Variants in MACROD2 observed in about 807,000 individuals in gnomAD.
The protein encoded by MACROD2 is mono-ADP ribosylhydrolase 2, also known as ADP-ribose glycohydrolase MACROD2.
A neutral mutation model predicts 70.4 loss-of-function variants in MACROD2; 36 were observed. That is an observed-to-expected ratio of 0.51 (90% CI 0.39 to 0.68). The LOEUF is 0.68. Ranked by LOEUF, MACROD2 falls within the 30% of genes least tolerant of loss-of-function variation. MACROD2 has a pLI of 0.00. For missense variants in MACROD2, 496 were observed against 538.4 expected, an observed-to-expected ratio of 0.92 and a Z score of 0.78; for synonymous variants, 172 against 178.8, an observed-to-expected ratio of 0.96 and a Z score of 0.30.
chr20:15,116,633 G>A (rs941569888), intron 5 of MACROD2, among the ~76,000 whole-genome samples: 12 of 152,010 alleles, frequency 7.9e-5, no homozygotes, highest in African/African-American at 2.7e-4. Context: ...CAATAAGAAC[G>A]GAAATTCTGT....
At chr20:15,327,641 A>G (rs924664569) in intron 6 of MACROD2, among the ~76,000 whole-genome samples, 1 of 152,034 alleles carries the variant, frequency 6.6e-6, no homozygotes, top group South Asian at 2.1e-4. Flanking sequence ...ATTACCTCCC[A>G]CAACACATGG....
intron 10 of MACROD2, among the ~76,000 whole-genome samples, chr20:15,931,394 C>A (rs2065574255): frequency 6.6e-6 from 1 of 152,080 alleles, no homozygotes; most frequent in African/African-American, 2.4e-5. Flanking sequence ...GTAATCCCAG[C>A]AGTTTGGGAG....
chr20:14,610,286 CCTT>C (rs1983078176), intron 4 of MACROD2, among the ~76,000 whole-genome samples: 2 of 151,984 alleles, frequency 1.3e-5, no homozygotes, highest in African/African-American at 2.4e-5. Context: ...CTAACATTGA[CCTT>C]CTGTAATGTG....
intron 5 of MACROD2, among the ~76,000 whole-genome samples, chr20:14,816,577 C>T (rs556706813): frequency 1.3e-5 from 2 of 152,128 alleles, no homozygotes; most frequent in Admixed American, 6.6e-5. Flanking sequence ...AGCAGAACCA[C>T]TTTCATATTT....
chr20:15,579,419 G>A (rs928473906), intron 8 of MACROD2, among the ~76,000 whole-genome samples: 5 of 152,134 alleles, frequency 3.3e-5, no homozygotes, highest in African/African-American at 7.2e-5. Flanking sequence ...AAATAGACCC[G>A]AGAAATAGGT....
intron 2 of MACROD2, among the ~76,000 whole-genome samples, chr20:14,016,377 T>C (rs1341477617): frequency 6.6e-6 from 1 of 152,214 alleles, no homozygotes; most frequent in African/African-American, 2.4e-5. Context: ...TTTCACTCTC[T>C]TAATAGTGTC....
intron 3 of MACROD2, among the ~76,000 whole-genome samples, chr20:14,295,178 C>A (rs966387174): frequency 6.6e-6 from 1 of 151,774 alleles, no homozygotes; most frequent in Non-Finnish European, 1.5e-5. Context: ...TATCACAATA[C>A]CATTTAAATT....
chr20:16,009,757 C>CA lies in MACROD2; in HGVS notation c.1153+22611dup, dbSNP rs900609433. ...GCGCGATAAGAGCAAGACTCTGTCT[C>CA]AAAAAAAAAAAATTATAAAAGCATA... On this transcript the variant is annotated intron_variant, in intron 15 of 17. Transcript: ENST00000684519. Among the ~76,000 whole-genome samples, 535 of 144,826 alleles carry CA rather than the reference C, an allele frequency of 3.7e-3. 5 individuals are homozygous for CA. Among genetic ancestry groups the CA allele is most frequent in the African/African-American group, 0.011 (431 of 39,670 alleles).
At chr20:15,239,901 G>A (rs1359654001) in intron 6 of MACROD2, among the ~76,000 whole-genome samples, 1 of 152,168 alleles carries the variant, frequency 6.6e-6, no homozygotes, top group East Asian at 1.9e-4. Context: ...CCATAGTTGA[G>A]GTTTGAACAA....
intron 5 of MACROD2, among the ~76,000 whole-genome samples, chr20:15,109,265 G>A (rs188527321): frequency 2.0e-5 from 3 of 152,264 alleles, no homozygotes; most frequent in Admixed American, 2.0e-4. Flanking sequence ...TTCACCGTGA[G>A]GAACTCTGTG....
chr20:15,036,933 C>T (rs1346362192), intron 5 of MACROD2, among the ~76,000 whole-genome samples: 1 of 151,178 alleles, frequency 6.6e-6, no homozygotes, highest in Non-Finnish European at 1.5e-5. Context: ...ATAATGTAAT[C>T]AATATTTATA....
chr20:14,826,258 A>C (rs1402942709), intron 5 of MACROD2, among the ~76,000 whole-genome samples: 2 of 152,002 alleles, frequency 1.3e-5, no homozygotes, highest in Non-Finnish European at 2.9e-5. Flanking sequence ...CTGAACCCAC[A>C]ATACCCATGC....
intron 4 of MACROD2, among the ~76,000 whole-genome samples, chr20:14,619,722 C>T (rs1023581960): frequency 6.6e-6 from 1 of 152,044 alleles, no homozygotes; most frequent in African/African-American, 2.4e-5. Flanking sequence ...TGAAATATGG[C>T]TGTTATCAAT....
chr20:14,085,762 A>T, intron 3 of MACROD2, 34 bp downstream of exon 3: 1 of 1,242,534 alleles, frequency 8.0e-7, no homozygotes, highest in Non-Finnish European at 1.1e-6. Flanking sequence ...TGTGTTTGTT[A>T]TGTAAGTATT....
chr20:14,286,317 A>G (rs1468578176), intron 3 of MACROD2, among the ~76,000 whole-genome samples: 1 of 152,070 alleles, frequency 6.6e-6, no homozygotes, highest in African/African-American at 2.4e-5. Context: ...ATTAGTTTCA[A>G]GTACTTTTTC....
intron 8 of MACROD2, among the ~76,000 whole-genome samples, chr20:15,558,761 ACT>A (rs2048202185): frequency 6.6e-6 from 1 of 152,118 alleles, no homozygotes; most frequent in Non-Finnish European, 1.5e-5. Flanking sequence ...CTGAATTCTA[ACT>A]CTGTGTCTGA....
At chr20:14,252,346 T>G (rs2082020218) in intron 3 of MACROD2, among the ~76,000 whole-genome samples, 1 of 151,974 alleles carries the variant, frequency 6.6e-6, no homozygotes. Flanking sequence ...ATCAGAAAAA[T>G]TTTGGAGTGG....
intron 3 of MACROD2, among the ~76,000 whole-genome samples, chr20:14,339,676 T>C (rs1304850867): frequency 6.6e-6 from 1 of 152,236 alleles, no homozygotes; most frequent in African/African-American, 2.4e-5. Flanking sequence ...CATTGTTATA[T>C]GACTTCATAT....
chr20:14,177,941 G>C (rs1429709488), intron 3 of MACROD2, among the ~76,000 whole-genome samples: 1 of 152,098 alleles, frequency 6.6e-6, no homozygotes, highest in African/African-American at 2.4e-5. Context: ...ATTTTGTATA[G>C]GGAAAGGCTT....
Sources: allele counts gnomAD v4.1 joint callset (sites outside exome capture counted in the v4.1 genomes callset), GRCh38; gene constraint gnomAD v4.1.1; transcripts MANE v1.5; gene names NCBI Gene and HGNC (gene_info 2026-07-23, HGNC 2026-07-21).